The following EXOC3L1 variants were observed in gnomAD, a reference collection of about 807,000 sequenced individuals.
EXOC3L1 encodes the protein exocyst complex component 3-like protein.
Under a neutral mutation model 83.6 loss-of-function variants are expected in EXOC3L1, and 79 were observed. The ratio of observed to expected loss-of-function variants is 0.95; its 90% CI spans 0.79 to 1.14. The LOEUF (loss-of-function observed/expected upper bound fraction) is 1.14. Ranked by LOEUF, EXOC3L1 falls within the 50% of genes most tolerant of loss-of-function variation. The pLI, the probability that EXOC3L1 is intolerant of heterozygous loss-of-function variation, is 0.00. For synonymous variants in EXOC3L1, 433 were observed against 451.2 expected (o/e 0.96, Z 0.51); for missense variants, 945 against 972.0 (o/e 0.97, Z 0.37).
intron 4 of EXOC3L1, 27 bp from the exon 5 acceptor site, chr16:67,187,864 C>G: frequency 6.5e-7 from 1 of 1,547,024 alleles, no homozygotes; most frequent in Non-Finnish European, 8.7e-7. Flanking sequence ...GGAGACGGCC[C>G]TGGGTCTCAG....
At chr16:67,186,132 T>C (rs546108303) in intron 9 of EXOC3L1, 105 bp downstream of exon 9, 320 of 774,530 alleles carry the variant, frequency 4.1e-4, no homozygotes, top group Non-Finnish European at 6.3e-4. Context: ...CCCAGGGCGA[T>C]GTGAGTCCAA....
Position 67,185,278 on chromosome 16 carries a change from C to T in EXOC3L1, c.1627-20G>A, listed in dbSNP as rs1487047133. Reference sequence around the variant, plus strand: ...CAGGGGCTGGGGAAATGATCCAGATCTGGCATTGCCGCGGAGACCCCCATA... The same window carrying T: ...CAGGGGCTGGGGAAATGATCCAGATTTGGCATTGCCGCGGAGACCCCCATA... On this transcript the variant is annotated intron_variant, in intron 10 of 13. Transcript: ENST00000314586. 1.2e-6 allele frequency: 2 copies of T among 1,613,456 alleles called. No homozygotes were observed. Among genetic ancestry groups the T allele is most frequent in the Admixed American group, 3.3e-5 (2 of 60,022 alleles).
At chr16:67,189,784 G>C in intron 1 of EXOC3L1, 101 bp from the exon 2 acceptor site, 1 of 1,187,246 alleles carries the variant, frequency 8.4e-7, no homozygotes, top group Non-Finnish European at 1.2e-6. Flanking sequence ...GGAGGAAGGA[G>C]GTTCTTCCCG....
At chr16:67,188,019 G>C (rs539057200) in intron 4 of EXOC3L1, among the ~76,000 whole-genome samples, 182 bp from the exon 5 acceptor site, 19 of 152,214 alleles carry the variant, frequency 1.2e-4, no homozygotes, top group Non-Finnish European at 2.8e-4. Context: ...CAACGTGGGT[G>C]AATCACTTGA....
Position 67,184,769 on chromosome 16 carries a change from G to A in EXOC3L1, c.1947C>T (p.Ala649=), listed in dbSNP as rs2032636168. Residue 649 remains alanine (A), a synonymous_variant, in exon 13 of 14, where the codon GCC becomes GCT. Coordinates refer to ENST00000314586, the MANE Select transcript of EXOC3L1 (RefSeq NM_178516.4). ...CGCGGAGGTTTAGCAGCTCCCTCAG[G>A]GCGAGCAGCACCGGCGCGCAGTGCG... ...ENAHCAPVLL[A]LRELLNLRDP... 1 of 1,597,802 alleles carries A rather than the reference G, an allele frequency of 6.3e-7. No homozygotes were observed. Among genetic ancestry groups the A allele is most frequent in the East Asian group, 2.2e-5 (1 of 44,746 alleles).
intron 9 of EXOC3L1, 179 bp from the exon 10 acceptor site, chr16:67,185,669 A>AC: frequency 1.6e-6 from 1 of 619,628 alleles, no homozygotes. Context: ...GCGCTTGGCG[A>AC]GCTGCAAAGG....
chr16:67,185,637 A>C, intron 9 of EXOC3L1, 147 bp from the exon 10 acceptor site: 2 of 728,812 alleles, frequency 2.7e-6, no homozygotes, highest in Non-Finnish European at 4.5e-6. Flanking sequence ...GGTCCCAGGC[A>C]TGGACCAGGG....
Position 67,185,655 on chromosome 16 carries a change from AC to A in EXOC3L1, c.1497-166del, listed in dbSNP as rs557747606. On this transcript the variant is annotated intron_variant, in intron 9 of 13. Coordinates refer to ENST00000314586, the MANE Select transcript of EXOC3L1 (RefSeq NM_178516.4). ...CCCAGGCATGGACCAGGGCTGGGAG[AC>A]GGGCGCTTGGCGAGCTGCAAAGGAC... 16 of 656,010 alleles carry A rather than the reference AC, an allele frequency of 2.4e-5. No individual in the cohort carries two copies. In the East Asian group the frequency reaches 3.8e-4, roughly 16 times the overall value. The allele number at this position is 656,010 out of a possible 1,614,324, so 40.6% of individuals were successfully genotyped here. A position where few individuals can be genotyped will look rare whatever the true frequency, so the allele number is the denominator to read the frequency against.
intron 10 of EXOC3L1, 45 bp downstream of exon 10, chr16:67,185,316 G>T (rs373250658): frequency 1.9e-6 from 3 of 1,612,864 alleles, no homozygotes; most frequent in South Asian, 1.1e-5. Context: ...TAGCTGTACC[G>T]CCACCTCTCC....
In EXOC3L1 at chr16:67,185,048, C is replaced by A; in HGVS notation, c.1759G>T (p.Ala587Ser). 1 of 1,609,494 alleles carries A rather than the reference C, an allele frequency of 6.2e-7. No homozygotes were observed. Among genetic ancestry groups the A allele is most frequent in the South Asian group, 1.1e-5 (1 of 90,852 alleles). The part of the protein sequence containing the change: ...VRNPTVQLLL[A>S]EAERAVVLQY... ...AGCACCACGGCACGCTCGGCCTCAG[C>A]CAGCAGCAGCTGCGGGGAGGCAATC... Residue 587 changes from alanine to serine, a missense_variant, in exon 12 of 14, where the codon GCT (alanine) becomes TCT (serine). Physicochemically the swap from Ala to Ser is moderately conservative, Grantham distance 99 (BLOSUM62 1). Coordinates refer to ENST00000314586, the MANE Select transcript of EXOC3L1 (RefSeq NM_178516.4).
In EXOC3L1 at chr16:67,189,000, AC is replaced by A. The variant is rs949266120; in HGVS notation, c.207+19del. ...CCTGCAGCACAGTCCCAGCACCCGC[AC>A]CCCCTGCCCCATGCCCACCTTGAGG... On this transcript the variant is annotated intron_variant, in intron 3 of 13. Transcript: ENST00000314586. 6.2e-7 allele frequency: 1 copy of A among 1,603,474 alleles called. No individual in the cohort carries two copies. Among genetic ancestry groups the A allele is most frequent in the Non-Finnish European group, 8.5e-7 (1 of 1,173,186 alleles).
intron 4 of EXOC3L1, 138 bp downstream of exon 4, chr16:67,188,583 A>C: frequency 2.0e-5 from 15 of 766,314 alleles, no homozygotes; most frequent in Non-Finnish European, 2.9e-5. Flanking sequence ...GGCCATGGGA[A>C]GCCCGGGCTA....
Position 67,185,240 on chromosome 16 carries a change from G to A in EXOC3L1, c.1645C>T (p.Pro549Ser), listed in dbSNP as rs1159961899. Reference sequence around the variant, plus strand: ...GGGCTCGACAGCCATTGGCGCGAGGGCAGATCCGCGAACAGGGGCTGGGGA... The same window carrying A: ...GGGCTCGACAGCCATTGGCGCGAGGACAGATCCGCGAACAGGGGCTGGGGA... ...AELQPLFADL[P>S]SRQWLSSPEL... is the part of the protein sequence containing the mutation. The change falls in exon 11 of 14, where the codon CCC (proline) becomes TCC (serine). Residue 549 changes from proline (P) to serine (S), a missense_variant. Physicochemically the swap from Pro to Ser is moderately conservative, Grantham distance 74. Coordinates refer to ENST00000314586, the MANE Select transcript of EXOC3L1 (RefSeq NM_178516.4). The A allele has an allele frequency of 6.2e-7, 1 of 1,613,464 alleles. No homozygotes were observed. The highest frequency in any genetic ancestry group is 8.5e-7 in the Non-Finnish European group (1 of 1,180,040).
chr16:67,184,454 G>A lies in EXOC3L1; in HGVS notation c.2181C>T (p.Leu727=), dbSNP rs964114443. The change falls in exon 14 of 14, where the codon CTC becomes CTT. Residue 727 remains leucine, a synonymous_variant. Transcript: ENST00000314586. ...VLFSLVPAPA[L]APASCLPSGS... Reference sequence around the variant, plus strand: ...CCGAGGGCAGGCAGGAGGCCGGCGCGAGCGCGGGCGCGGGCACTAGGCTGA... The same window carrying A: ...CCGAGGGCAGGCAGGAGGCCGGCGCAAGCGCGGGCGCGGGCACTAGGCTGA... 5.2e-6 allele frequency: 8 copies of A among 1,529,098 alleles called. No individual in the cohort carries two copies. The highest frequency in any genetic ancestry group is 2.5e-5 in the East Asian group (1 of 40,238). The allele number at this position is 1,529,098 out of a possible 1,614,324, so 94.7% of individuals were successfully genotyped here.
chr16:67,187,636 C>A lies in EXOC3L1; in HGVS notation c.629G>T (p.Gly210Val), dbSNP rs778723066. Residue 210 changes from glycine (G) to valine (V), a missense_variant, in exon 5 of 14, where the codon GGG becomes GTG. By Grantham distance (109) the Gly-to-Val change is moderately radical. Transcript: ENST00000314586. Reference sequence around the variant, plus strand: ...GGCTGGGTCCTCCCGTGCCAGCTTCCCTGCGGCCCCTGCAGCTGCTTCCAC... The same window carrying A: ...GGCTGGGTCCTCCCGTGCCAGCTTCACTGCGGCCCCTGCAGCTGCTTCCAC... Reference protein sequence around the residue: ...QAVEAAAGAAGKLAREDPALL... With the variant: ...QAVEAAAGAAVKLAREDPALL... 7 of 1,609,492 alleles carry A rather than the reference C, an allele frequency of 4.3e-6. No individual in the cohort carries two copies. In the Admixed American group the frequency reaches 1.2e-4, roughly 27 times the overall value.
chr16:67,185,446 GC>G lies in EXOC3L1; in HGVS notation c.1540del (p.Ala514ProfsTer85). 5 of 1,610,814 alleles carry G rather than the reference GC, an allele frequency of 3.1e-6. No individual in the cohort carries two copies. The highest frequency in any genetic ancestry group is 3.4e-6 in the Non-Finnish European group (4 of 1,179,944). On this transcript the variant is annotated frameshift_variant, in exon 10 of 14. Transcript: ENST00000314586. LOFTEE classifies it high-confidence loss of function. ...CAGCGCAGCTTCCACTGGAGCCAAG[GC>G]CCCTGAAGGCGCCCCGTCCAGCTGC... ...VLQLDGAPSGALAPVEAALDE... is the reference protein window; with the variant it reads ...VLQLDGAPSGXLAPVEAALDE...
intron 8 of EXOC3L1, 60 bp downstream of exon 8, chr16:67,186,497 C>G (rs927075044): frequency 6.4e-7 from 1 of 1,567,530 alleles, no homozygotes; most frequent in African/African-American, 1.4e-5. Context: ...ACTCAGAGCC[C>G]CTTTGGGCTG....
chr16:67,185,592 G>A, intron 9 of EXOC3L1, 102 bp from the exon 10 acceptor site: 2 of 1,104,902 alleles, frequency 1.8e-6, no homozygotes, highest in Admixed American at 1.9e-5. Flanking sequence ...AGTGTTTGAC[G>A]GGAGGGAGCG....
Position 67,185,001 on chromosome 16 carries a change from C to A in EXOC3L1, c.1806G>T (p.Met602Ile), listed in dbSNP as rs899464688. 1 of 1,609,782 alleles carries A rather than the reference C, an allele frequency of 6.2e-7. No individual in the cohort carries two copies. The highest frequency in any genetic ancestry group is 8.5e-7 in the Non-Finnish European group (1 of 1,178,596). ...CTCCGCGGCACACCAGGCGGCCTTG[C>A]ATCAGCGCGCTCAGGTACTGGAGCA... ...AVVLQYLSAL[M>I]QGRLVCRGAD... Residue 602 changes from methionine (M) to isoleucine (I), a missense_variant, in exon 12 of 14, where the codon ATG (methionine) becomes ATT (isoleucine). By Grantham distance (10) the Met-to-Ile change is conservative. Transcript: ENST00000314586.
Sources: gnomAD v4.1 joint callset for allele counts (sites outside exome capture counted in the v4.1 genomes callset) on GRCh38, gnomAD v4.1.1 for gene constraint, MANE v1.5 for transcripts, NCBI Gene and HGNC (gene_info 2026-07-23, HGNC 2026-07-21) for gene names.